Variants in CCDC181 observed in about 807,000 individuals in gnomAD.
The protein encoded by CCDC181 is coiled-coil domain-containing protein 181.
A neutral mutation model predicts 58.7 loss-of-function variants in CCDC181; 35 were observed. The observed-to-expected ratio is 0.60, with a 90% CI of 0.46 to 0.79. The LOEUF (loss-of-function observed/expected upper bound fraction) is 0.79. Ranked by LOEUF, CCDC181 falls within the 30% of genes least tolerant of loss-of-function variation. The pLI is 0.00. For missense variants in CCDC181, 517 were observed against 583.9 expected (o/e 0.89, Z 1.18); for synonymous variants, 183 against 197.5 (o/e 0.93, Z 0.62).
intron 4 of CCDC181, among the ~76,000 whole-genome samples, chr1:169,401,271 G>A (rs1376577801): frequency 2.0e-5 from 3 of 152,156 alleles, no homozygotes; most frequent in African/African-American, 4.8e-5. Context: ...AGACTTAAAC[G>A]TCCCAGTCTG....
At chr1:169,401,399 A>C (rs1375304205) in intron 4 of CCDC181, among the ~76,000 whole-genome samples, 1 of 152,244 alleles carries the variant, frequency 6.6e-6, no homozygotes, top group Non-Finnish European at 1.5e-5. Flanking sequence ...GACACCTCCC[A>C]GTAGGGGCCA....
At chr1:169,405,714 A>G (rs1434134739) in intron 4 of CCDC181, among the ~76,000 whole-genome samples, 1 of 152,212 alleles carries the variant, frequency 6.6e-6, no homozygotes, top group Non-Finnish European at 1.5e-5. Flanking sequence ...CTAGAAGAAA[A>G]GCTAGGAAAT....
intron 4 of CCDC181, among the ~76,000 whole-genome samples, chr1:169,417,852 A>G (rs571667618): frequency 6.6e-6 from 1 of 152,262 alleles, no homozygotes; most frequent in African/African-American, 2.4e-5. Context: ...TCACTCAAGA[A>G]ATTAAAAAGG....
chr1:169,434,366 A>C (rs1656999702), intron 2 of CCDC181, among the ~76,000 whole-genome samples: 1 of 152,090 alleles, frequency 6.6e-6, no homozygotes, highest in South Asian at 2.1e-4. Context: ...TATGGAAAAC[A>C]GTATGGCAAT....
chr1:169,420,397 C>CTTT lies in CCDC181; in HGVS notation c.1068+963_1068+965dup, dbSNP rs58922330. On this transcript the variant is annotated intron_variant, in intron 3 of 5. Coordinates refer to ENST00000367806, the MANE Select transcript of CCDC181 (RefSeq NM_001300969.2). ...CACGTTCTTACGAAGTCATGTTTCA[C>CTTT]TTTTTTTTTTTTTTTTTGCTAATGC... Among the ~76,000 whole-genome samples, 30 of 133,994 alleles carry CTTT rather than the reference C, an allele frequency of 2.2e-4. No homozygotes were observed. The East Asian group carries it at 2.5e-3, about 11-fold the overall frequency. The allele number at this position is 133,994 out of a possible 152,430, so 87.9% of individuals were successfully genotyped here.
chr1:169,416,582 G>C (rs1329784707), intron 4 of CCDC181, among the ~76,000 whole-genome samples: 1 of 151,980 alleles, frequency 6.6e-6, no homozygotes, highest in Non-Finnish European at 1.5e-5. Flanking sequence ...TTTATTATCC[G>C]CATTTTATTA....
At position 169,416,886 on chromosome 1, in the gene CCDC181, T is replaced by C. The variant is rs561799631; in HGVS notation, c.1215+2127A>G. On this transcript the variant is annotated intron_variant, in intron 4 of 5. Transcript: ENST00000367806. ...ATAATAAACACTGTAACAAAAAATA[T>C]ATTGTCAGACTAGGAAAATATATAA... Among the ~76,000 whole-genome samples, 3 of 152,220 alleles carry C rather than the reference T, an allele frequency of 2.0e-5. No homozygotes were observed. In the South Asian group the frequency reaches 6.2e-4, roughly 32 times the overall value.
Position 169,394,957 on chromosome 1 carries a change from A to G in CCDC181, c.*90T>C, listed in dbSNP as rs935436742. On this transcript the variant is annotated 3_prime_UTR_variant, in exon 6 of 6. Coordinates refer to ENST00000367806, the MANE Select transcript of CCDC181 (RefSeq NM_001300969.2). ...ATAAAAGATAAATACCATTTCCATAATTTAGAATACAACCAAAGTACACAG... is the reference window on the plus strand; with the variant it reads ...ATAAAAGATAAATACCATTTCCATAGTTTAGAATACAACCAAAGTACACAG... 6 of 1,165,154 alleles carry G rather than the reference A, an allele frequency of 5.1e-6. No homozygotes were observed. Among genetic ancestry groups the G allele is most frequent in the Non-Finnish European group, 7.1e-6 (6 of 848,868 alleles). The allele number at this position is 1,165,154 out of a possible 1,614,324, so 72.2% of individuals were successfully genotyped here.
intron 2 of CCDC181, among the ~76,000 whole-genome samples, chr1:169,453,591 T>C (rs1657606271): frequency 1.3e-5 from 2 of 152,040 alleles, no homozygotes; most frequent in Admixed American, 1.3e-4. Flanking sequence ...ACTACAAACA[T>C]GGATCAGAGC....
chr1:169,449,063 A>G (rs1480888182), intron 2 of CCDC181, among the ~76,000 whole-genome samples: 1 of 152,044 alleles, frequency 6.6e-6, no homozygotes, highest in Non-Finnish European at 1.5e-5. Context: ...GTTCATGCCT[A>G]TTGTCTATAT....
intron 4 of CCDC181, among the ~76,000 whole-genome samples, chr1:169,404,814 A>G (rs1460241111): frequency 6.6e-6 from 1 of 152,208 alleles, no homozygotes; most frequent in Non-Finnish European, 1.5e-5. Flanking sequence ...GGACAGGGCA[A>G]TCAGGCAGGA....
chr1:169,406,035 C>T, intron 4 of CCDC181, among the ~76,000 whole-genome samples: 1 of 152,186 alleles, frequency 6.6e-6, no homozygotes, highest in East Asian at 1.9e-4. Context: ...AGCCAACATA[C>T]ACATGAAAAA....
chr1:169,458,030 G>A (rs1020344600), intron 2 of CCDC181, among the ~76,000 whole-genome samples: 1 of 152,008 alleles, frequency 6.6e-6, no homozygotes, highest in Non-Finnish European at 1.5e-5. Context: ...ATTTAAGATT[G>A]ACTAAAATTA....
In CCDC181 at chr1:169,415,965, A is replaced by G. The variant is rs144443228; in HGVS notation, c.1215+3048T>C. 2.4e-4 allele frequency among the ~76,000 whole-genome samples: 37 copies of G among 152,290 alleles called. 1 individual carries two copies. In the East Asian group the frequency reaches 6.9e-3, roughly 29 times the overall value. On this transcript the variant is annotated intron_variant, in intron 4 of 5. Coordinates refer to ENST00000367806, the MANE Select transcript of CCDC181 (RefSeq NM_001300969.2). The stretch of plus-strand genomic sequence containing the variant: ...GATAAATTTCTCCAACTAATCTTCA[A>G]TATCTTCATCTGGATATTTTGTGCA...
chr1:169,431,225 C>G (rs1432748070), upstream of CCDC181, among the ~76,000 whole-genome samples: 1 of 152,130 alleles, frequency 6.6e-6, no homozygotes, highest in Non-Finnish European at 1.5e-5. Flanking sequence ...TTTATCAGTT[C>G]TAGAATCTTT....
intron 2 of CCDC181, among the ~76,000 whole-genome samples, chr1:169,459,643 C>T (rs1037340423): frequency 2.0e-5 from 3 of 152,038 alleles, no homozygotes; most frequent in Non-Finnish European, 2.9e-5. Context: ...GAGATAAAAA[C>T]AGACCTTGAG....
intron 3 of CCDC181, among the ~76,000 whole-genome samples, chr1:169,420,290 A>G (rs901052945): frequency 2.6e-5 from 4 of 152,184 alleles, no homozygotes; most frequent in Admixed American, 1.3e-4. Context: ...TAGTTTGACT[A>G]TTAGAGCTAT....
intron 2 of CCDC181, among the ~76,000 whole-genome samples, chr1:169,440,185 G>A (rs1264872201): frequency 6.6e-6 from 1 of 152,166 alleles, no homozygotes; most frequent in Non-Finnish European, 1.5e-5. Context: ...TGGGTTGGCA[G>A]CACCCCACCA....
chr1:169,425,625 A>G (rs1183414489), intron 1 of CCDC181, among the ~76,000 whole-genome samples: 1 of 152,152 alleles, frequency 6.6e-6, no homozygotes, highest in East Asian at 1.9e-4. Flanking sequence ...AAGCTATTAT[A>G]TCTAACTACC....
Sources: gnomAD v4.1 joint callset for allele counts (sites outside exome capture counted in the v4.1 genomes callset) on GRCh38, gnomAD v4.1.1 for gene constraint, MANE v1.5 for transcripts, NCBI Gene and HGNC (gene_info 2026-07-23, HGNC 2026-07-21) for gene names.